SH3GL3: variants seen among roughly 807,000 people sequenced by gnomAD.
SH3GL3 encodes SH3 domain containing GRB2 like 3, endophilin A3.
In SH3GL3, 33 loss-of-function variants were observed where a neutral mutation model predicts 47.7. The observed-to-expected ratio is 0.69, with a 90% confidence interval of 0.52 to 0.92. The LOEUF (loss-of-function observed/expected upper bound fraction) is 0.92, where lower values mean the gene tolerates loss of function less well. Ranked by LOEUF, SH3GL3 falls within the 40% of genes least tolerant of loss-of-function variation. The pLI, the probability that SH3GL3 is intolerant of heterozygous loss-of-function variation, is 0.00. For missense variants in SH3GL3, 363 were observed against 417.8 expected (o/e 0.87, Z 1.14); for synonymous variants, 155 against 148.8 (o/e 1.04, Z -0.30).
intron 1 of SH3GL3, among the ~76,000 whole-genome samples, chr15:83,499,967 C>A (rs544053545): frequency 1.3e-5 from 2 of 152,292 alleles, no homozygotes; most frequent in South Asian, 4.2e-4. Flanking sequence ...TACCAGTCTG[C>A]TGAAAAATGG....
chr15:83,570,286 C>T (rs1382399968), intron 4 of SH3GL3, among the ~76,000 whole-genome samples: 2 of 152,058 alleles, frequency 1.3e-5, no homozygotes, highest in African/African-American at 4.8e-5. Flanking sequence ...TGAAATGATT[C>T]TTTTATTATA....
intron 6 of SH3GL3, among the ~76,000 whole-genome samples, chr15:83,585,856 T>A (rs2059940533): frequency 6.6e-6 from 1 of 152,140 alleles, no homozygotes; most frequent in Non-Finnish European, 1.5e-5. Context: ...TAAAATAGTA[T>A]AAGTGAGTAA....
intron 1 of SH3GL3, among the ~76,000 whole-genome samples, chr15:83,543,845 G>C (rs1228436700): frequency 6.6e-6 from 1 of 151,858 alleles, no homozygotes; most frequent in African/African-American, 2.4e-5. Flanking sequence ...TTGAATTTCT[G>C]TGGTATTGGT....
chr15:83,547,164 A>G (rs1378563304), intron 1 of SH3GL3, among the ~76,000 whole-genome samples: 3 of 152,160 alleles, frequency 2.0e-5, no homozygotes, highest in Non-Finnish European at 4.4e-5. Flanking sequence ...CTGCCTTTCA[A>G]GTTTATTTAG....
At chr15:83,522,786 A>G (rs1194588332) in intron 1 of SH3GL3, among the ~76,000 whole-genome samples, 1 of 152,232 alleles carries the variant, frequency 6.6e-6, no homozygotes, top group Non-Finnish European at 1.5e-5. Context: ...CAAATATCCT[A>G]TTAAAACTGT....
Position 83,577,752 on chromosome 15 carries a change from T to A in SH3GL3, c.624+1011T>A, listed in dbSNP as rs1318803076. Among the ~76,000 whole-genome samples the A allele has an allele frequency of 2.0e-5, 3 of 152,160 alleles. No individual in the cohort carries two copies. The East Asian group carries it at 5.8e-4, about 29-fold the overall frequency. ...TATCCCAGGATTGCTTCAGAGGTTG[T>A]CTCTGAAGATTGCTAAGTAGACTGG... On this transcript the variant is annotated intron_variant, in intron 6 of 8. Transcript: ENST00000427482.
At chr15:83,523,861 G>A (rs920935360) in intron 1 of SH3GL3, among the ~76,000 whole-genome samples, 1 of 150,646 alleles carries the variant, frequency 6.6e-6, no homozygotes, top group Non-Finnish European at 1.5e-5. Flanking sequence ...ACAATGTGTT[G>A]TTGGCAAAAG....
At chr15:83,555,215 T>A (rs763878490) in intron 1 of SH3GL3, among the ~76,000 whole-genome samples, 16 of 152,190 alleles carry the variant, frequency 1.1e-4, no homozygotes, top group Non-Finnish European at 1.0e-4. Flanking sequence ...ATGTTTTATG[T>A]CTATCTTGAA....
chr15:83,477,668 A>T (rs530314287), intron 1 of SH3GL3, among the ~76,000 whole-genome samples: 1 of 152,298 alleles, frequency 6.6e-6, no homozygotes, highest in East Asian at 1.9e-4. Context: ...CAGAAATTCT[A>T]TGCAGAAATT....
chr15:83,554,224 A>T (rs1457889277), intron 1 of SH3GL3, among the ~76,000 whole-genome samples: 1 of 151,156 alleles, frequency 6.6e-6, no homozygotes, highest in African/African-American at 2.4e-5. Context: ...TTTCACTCTT[A>T]TTGCCCAGAC....
intron 1 of SH3GL3, among the ~76,000 whole-genome samples, chr15:83,554,376 G>C (rs887504705): frequency 2.0e-5 from 3 of 151,830 alleles, no homozygotes; most frequent in African/African-American, 7.3e-5. Flanking sequence ...TAGTAGAGAC[G>C]GGGTTTCTCC....
chr15:83,484,392 T>A (rs1319970383), intron 1 of SH3GL3, among the ~76,000 whole-genome samples: 4 of 152,256 alleles, frequency 2.6e-5, no homozygotes, highest in African/African-American at 9.6e-5. Flanking sequence ...GTCTTTACAT[T>A]ATCATTACAT....
At chr15:83,456,727 G>A (rs989106715) in intron 1 of SH3GL3, among the ~76,000 whole-genome samples, 12 of 149,458 alleles carry the variant, frequency 8.0e-5, no homozygotes, top group African/African-American at 4.9e-5. Context: ...CTAGTGAGAT[G>A]AACCCGGTAC....
At chr15:83,459,425 G>A (rs2084482032) in intron 1 of SH3GL3, among the ~76,000 whole-genome samples, 1 of 152,158 alleles carries the variant, frequency 6.6e-6, no homozygotes, top group Non-Finnish European at 1.5e-5. Context: ...GTCATGGAGG[G>A]TTTATGAAAG....
At position 83,499,530 on chromosome 15, in the gene SH3GL3, G is replaced by A. The variant is rs565806867; in HGVS notation, c.45+51952G>A. On this transcript the variant is annotated intron_variant, in intron 1 of 8. Coordinates refer to ENST00000427482, the MANE Select transcript of SH3GL3 (RefSeq NM_003027.5). ...TAAACATTTTAAAGTGTAGTCATAC[G>A]TGTAATCATATGTTCAATTAGTCAT... Among the ~76,000 whole-genome samples the A allele has an allele frequency of 2.4e-4, 36 of 152,006 alleles. No homozygotes were observed. The South Asian group carries it at 5.0e-3, about 21-fold the overall frequency.
intron 8 of SH3GL3, among the ~76,000 whole-genome samples, chr15:83,599,725 G>A (rs1412157979): frequency 1.3e-5 from 2 of 152,168 alleles, no homozygotes; most frequent in East Asian, 3.9e-4. Context: ...TGGGATTGCT[G>A]GATCAATGGT....
At chr15:83,460,732 TAA>T (rs1183681607) in intron 1 of SH3GL3, among the ~76,000 whole-genome samples, 2 of 152,216 alleles carry the variant, frequency 1.3e-5, no homozygotes, top group African/African-American at 4.8e-5. Context: ...GTAAACTGTA[TAA>T]GAGTCTGATG....
At chr15:83,471,553 G>C (rs77159972) in intron 1 of SH3GL3, among the ~76,000 whole-genome samples, 1,741 of 152,308 alleles carry the variant, frequency 0.011, 17 homozygotes, top group Non-Finnish European at 0.015. Flanking sequence ...TAAAGCAGAT[G>C]CCTAGCTGTA....
intron 6 of SH3GL3, among the ~76,000 whole-genome samples, chr15:83,581,092 T>G (rs1415291642): frequency 6.6e-6 from 1 of 152,158 alleles, no homozygotes; most frequent in East Asian, 1.9e-4. Context: ...AGCCCTCATG[T>G]CTCATCATCC....
Sources: allele counts gnomAD v4.1 joint callset (sites outside exome capture counted in the v4.1 genomes callset), GRCh38; gene constraint gnomAD v4.1.1; transcripts MANE v1.5; gene names NCBI Gene and HGNC (gene_info 2026-07-23, HGNC 2026-07-21).